CDH26: variants seen among roughly 807,000 people sequenced by gnomAD.
CDH26 encodes the protein cadherin-like protein 26.
In CDH26, 83 loss-of-function variants were observed where a neutral mutation model predicts 90.3. The observed-to-expected ratio is 0.92, with a 90% CI of 0.77 to 1.10. CDH26 has a LOEUF of 1.10. Among genes scored for constraint, CDH26 ranks in the 50% least tolerant of loss-of-function variants. CDH26 has a pLI of 0.00. For synonymous variants in CDH26, 397 were observed against 396.3 expected, an observed-to-expected ratio of 1.00 and a Z score of -0.02; for missense variants, 1,013 against 1,037.6, an observed-to-expected ratio of 0.98 and a Z score of 0.33.
chr20:59,969,507 T>C (rs937983297), intron 2 of CDH26, among the ~76,000 whole-genome samples: 3 of 152,228 alleles, frequency 2.0e-5, no homozygotes, highest in Admixed American at 6.5e-5. Flanking sequence ...CAACTTCACT[T>C]ATAATAGATG....
Position 59,967,876 on chromosome 20 carries a change from T to TCTTCCTTC in CDH26, c.70-1063_70-1056dup, listed in dbSNP as rs1315479146. The stretch of plus-strand genomic sequence containing the variant: ...TTCTTTCTTTCTTTCTTTCTTTCTT[T>TCTTCCTTC]CTTCCTTCCTTCCTTCCTTCCTTCC... On this transcript the variant is annotated intron_variant, in intron 1 of 17. Transcript: ENST00000348616. Among the ~76,000 whole-genome samples the TCTTCCTTC allele has an allele frequency of 5.9e-3, 324 of 54,554 alleles. 3 individuals are homozygous for TCTTCCTTC. Among genetic ancestry groups the TCTTCCTTC allele is most frequent in the East Asian group, 9.9e-3 (18 of 1,812 alleles). The allele number at this position is 54,554 out of a possible 152,430, so 35.8% of individuals were successfully genotyped here.
chr20:60,014,587 A>G (rs1275614247), downstream of CDH26: 7 of 152,168 alleles, frequency 4.6e-5, no homozygotes, highest in Admixed American at 4.6e-4. Context: ...TTCTCTTAAC[A>G]TAATGTCCTC....
intron 5 of CDH26, among the ~76,000 whole-genome samples, chr20:59,984,209 A>G (rs1334507555): frequency 1.3e-5 from 2 of 151,958 alleles, no homozygotes; most frequent in Non-Finnish European, 1.5e-5. Flanking sequence ...CACCATTTCC[A>G]TGTTCTATCA....
intron 4 of CDH26, among the ~76,000 whole-genome samples, chr20:59,977,259 C>T (rs1236515183): frequency 6.6e-6 from 1 of 152,122 alleles, no homozygotes; most frequent in Non-Finnish European, 1.5e-5. Context: ...CTGTACCTGG[C>T]GACCAGTTGA....
chr20:59,958,680 G>A lies in CDH26; in HGVS notation c.-47G>A. ...CTCCGGTGAGACCACCAGCTTGGAG[G>A]ACTGGTCATCAGCTGCACGTTCTGG... On this transcript the variant is annotated 5_prime_UTR_variant, in exon 1 of 18. Coordinates refer to ENST00000348616, the MANE Select transcript of CDH26 (RefSeq NM_177980.4). 2 of 1,575,002 alleles carry A rather than the reference G, an allele frequency of 1.3e-6. No homozygotes were observed. Among genetic ancestry groups the A allele is most frequent in the Middle Eastern group, 1.7e-4 (1 of 6,004 alleles).
exon 8 of CDH26, chr20:60,031,339 C>T (rs1467263836): frequency 4.6e-6 from 6 of 1,294,274 alleles, no homozygotes; most frequent in African/African-American, 1.5e-5. Flanking sequence ...GATGATGCCA[C>T]GGAGACTAAC....
intron 7 of CDH26, among the ~76,000 whole-genome samples, chr20:60,021,147 C>T (rs961993813): frequency 3.3e-5 from 5 of 152,150 alleles, no homozygotes; most frequent in African/African-American, 1.2e-4. Context: ...GGGAGAGCAC[C>T]AGACATCTCT....
In CDH26 at chr20:60,033,554, C is replaced by G; in HGVS notation, c.1213C>G (p.Gln405Glu). 2.3e-6 allele frequency: 3 copies of G among 1,304,448 alleles called. No homozygotes were observed. In the Middle Eastern group the frequency reaches 6.4e-4, roughly 278 times the overall value. The allele number at this position is 1,304,448 out of a possible 1,614,324, so 80.8% of individuals were successfully genotyped here. Residue 405 changes from glutamine to glutamate, a missense_variant, in exon 9 of 9, where the codon CAA becomes GAA. Transcript: ENST00000370991. ...TAAGGTTATGCAGCTGAGAAATGAA[C>G]AAGGTGGGGTTCGAGTCCAGAGTGC...
rs146963298 is a variant in CDH26 at position 60,012,691 on chromosome 20, G to A, written c.2460G>A (p.Pro820=). 496 of 1,613,814 alleles carry A rather than the reference G, an allele frequency of 3.1e-4. 1 individual carries two copies. In the African/African-American group the frequency reaches 5.6e-3, roughly 18 times the overall value. ...LLDSLGSKAT[P]FEEIYSESGV... ...ACTCTTTGGGTTCAAAAGCGACTCC[G>A]TTTGAGGAAATATATTCAGAGTCAG... Residue 820 remains proline, a synonymous_variant, in exon 18 of 18, where the codon CCG becomes CCA. Transcript: ENST00000348616.
intron 7 of CDH26, 30 bp from the exon 8 acceptor site, chr20:59,987,423 T>C (rs1330748662): frequency 1.9e-6 from 3 of 1,574,820 alleles, no homozygotes; most frequent in East Asian, 2.3e-5. Flanking sequence ...TTTGTTTCCA[T>C]GACATGGACA....
chr20:59,972,122 C>T lies in CDH26; in HGVS notation c.392C>T (p.Thr131Met), dbSNP rs112379790. ...GATCGAGAAATGACACCATCTTTCA[C>T]GGTATCTAAAACTTGATATATTCTA... ...PVDREMTPSF[T>M]VYFDVVERST... The change falls in exon 4 of 18, where the codon ACG becomes ATG. Residue 131 changes from threonine to methionine, a missense_variant and splice_region_variant. Transcript: ENST00000348616. The T allele has an allele frequency of 1.7e-5, 27 of 1,613,040 alleles. No homozygotes were observed. The highest frequency in any genetic ancestry group is 1.1e-4 in the East Asian group (5 of 44,858).
At chr20:60,029,873 T>C (rs1355991825) in intron 7 of CDH26, among the ~76,000 whole-genome samples, 1 of 152,056 alleles carries the variant, frequency 6.6e-6, no homozygotes, top group Non-Finnish European at 1.5e-5. Flanking sequence ...TTTAAACATT[T>C]CTTAAGAGGG....
chr20:60,032,393 A>G (rs2062046756), intron 8 of CDH26, among the ~76,000 whole-genome samples: 2 of 152,194 alleles, frequency 1.3e-5, no homozygotes, highest in Non-Finnish European at 2.9e-5. Flanking sequence ...ATGAACACAT[A>G]GATACTGAAT....
chr20:59,968,258 C>A (rs147129270), intron 1 of CDH26, among the ~76,000 whole-genome samples: 1 of 151,612 alleles, frequency 6.6e-6, no homozygotes, highest in African/African-American at 2.4e-5. Flanking sequence ...CCACCATGGC[C>A]GGCTAATTTT....
chr20:59,986,366 G>A (rs1305042919), intron 7 of CDH26, among the ~76,000 whole-genome samples: 5 of 152,216 alleles, frequency 3.3e-5, no homozygotes, highest in East Asian at 3.9e-4. Context: ...CCCACCTAAG[G>A]CATGTGAGAT....
Position 60,005,526 on chromosome 20 carries a change from A to G in CDH26, c.2221-1187A>G, listed in dbSNP as rs978608647. Among the ~76,000 whole-genome samples, 3 of 149,776 alleles carry G rather than the reference A, an allele frequency of 2.0e-5. No homozygotes were observed. In the East Asian group the frequency reaches 5.8e-4, roughly 29 times the overall value. ...TATGTATGTATGTATGTGTATATAT[A>G]GCCTCATGGACATACATAATTGCCC... On this transcript the variant is annotated intron_variant, in intron 16 of 17. Coordinates refer to ENST00000348616, the MANE Select transcript of CDH26 (RefSeq NM_177980.4).
At chr20:59,977,988 C>T (rs556002299) in intron 4 of CDH26, among the ~76,000 whole-genome samples, 2 of 152,170 alleles carry the variant, frequency 1.3e-5, no homozygotes, top group African/African-American at 2.4e-5. Context: ...TTTGCCTTTT[C>T]CAGAAGGTTA....
chr20:59,972,116 C>A lies in CDH26; in HGVS notation c.386C>A (p.Ser129Tyr), dbSNP rs760636765. 31 of 1,613,462 alleles carry A rather than the reference C, an allele frequency of 1.9e-5. No homozygotes were observed. The highest frequency in any genetic ancestry group is 8.5e-7 in the Non-Finnish European group (1 of 1,179,734). Reference protein sequence around the residue: ...HRPVDREMTPSFTVYFDVVER... With the variant: ...HRPVDREMTPYFTVYFDVVER... ...CCTGTCGATCGAGAAATGACACCAT[C>A]TTTCACGGTATCTAAAACTTGATAT... is the stretch of plus-strand genomic sequence containing the variant. Residue 129 changes from serine to tyrosine, a missense_variant, in exon 4 of 18, where the codon TCT (serine) becomes TAT (tyrosine). By Grantham distance (144) the Ser-to-Tyr change is moderately radical. Coordinates refer to ENST00000348616, the MANE Select transcript of CDH26 (RefSeq NM_177980.4).
intron 4 of CDH26, among the ~76,000 whole-genome samples, chr20:59,976,341 A>G (rs1033789770): frequency 6.6e-6 from 1 of 152,218 alleles, no homozygotes; most frequent in South Asian, 2.1e-4. Flanking sequence ...TCTTTTCTCC[A>G]TTGTAACCCG....
Sources: allele counts gnomAD v4.1 joint callset (sites outside exome capture counted in the v4.1 genomes callset), GRCh38; gene constraint gnomAD v4.1.1; transcripts MANE v1.5; gene names NCBI Gene and HGNC (gene_info 2026-07-23, HGNC 2026-07-21).